Variants in EPB41L5 observed in about 807,000 individuals in gnomAD.
The protein encoded by EPB41L5 is band 4.1-like protein 5.
Under a neutral mutation model 106.6 loss-of-function variants are expected in EPB41L5, and 55 were observed. That is an observed-to-expected ratio of 0.52 (90% CI 0.42 to 0.65). The LOEUF is 0.65. Ranked by LOEUF, EPB41L5 falls within the 30% of genes least tolerant of loss-of-function variation. The pLI, the probability that EPB41L5 is intolerant of heterozygous loss-of-function variation, is 0.00. For synonymous variants in EPB41L5, 297 were observed against 306.7 expected, an observed-to-expected ratio of 0.97 and a Z score of 0.33; for missense variants, 871 against 882.1, an observed-to-expected ratio of 0.99 and a Z score of 0.16.
chr2:120,146,426 A>T (rs990272145), intron 20 of EPB41L5, 137 bp downstream of exon 20: 2 of 576,242 alleles, frequency 3.5e-6, no homozygotes, highest in African/African-American at 3.8e-5. Context: ...TATCCATTAC[A>T]GACCACTTAG....
chr2:120,018,018 G>A (rs563509009), intron 1 of EPB41L5, among the ~76,000 whole-genome samples: 30 of 143,440 alleles, frequency 2.1e-4, no homozygotes, highest in African/African-American at 6.7e-4. Flanking sequence ...CTGGAGTACC[G>A]TGGCGCCATC....
chr2:120,021,027 G>A (rs1057096650), intron 2 of EPB41L5, among the ~76,000 whole-genome samples: 3 of 152,154 alleles, frequency 2.0e-5, no homozygotes, highest in Admixed American at 1.3e-4. Flanking sequence ...TGGAGATATA[G>A]ATTGGACTTT....
intron 21 of EPB41L5, among the ~76,000 whole-genome samples, chr2:120,163,919 T>C (rs1020598517): frequency 6.6e-6 from 1 of 151,250 alleles, no homozygotes; most frequent in Non-Finnish European, 1.5e-5. Context: ...GCCAGTGCAC[T>C]TCAGCCTGGA....
chr2:120,131,658 G>A lies in EPB41L5; in HGVS notation c.1542G>A (p.Met514Ile). Residue 514 changes from methionine to isoleucine, a missense_variant, in exon 18 of 25, where the codon ATG (methionine) becomes ATA (isoleucine). Transcript: ENST00000263713. ...CAGAGAAGCTCAAACAGCTTGAGATGGAGAACAGTCCTTTGCTGTCCCCTC... is the reference window on the plus strand; with the variant it reads ...CAGAGAAGCTCAAACAGCTTGAGATAGAGAACAGTCCTTTGCTGTCCCCTC... The part of the protein sequence containing the change: ...DTSEKLKQLE[M>I]ENSPLLSPRS... The A allele has an allele frequency of 1.2e-6, 2 of 1,613,692 alleles. No individual in the cohort carries two copies. The highest frequency in any genetic ancestry group is 2.2e-5 in the East Asian group (1 of 44,854).
chr2:120,177,833 A>T lies in EPB41L5; in HGVS notation c.*2926A>T, dbSNP rs1350934895. 1 of 152,252 alleles carries T rather than the reference A, an allele frequency of 6.6e-6. No individual in the cohort carries two copies. The highest frequency in any genetic ancestry group is 1.9e-4 in the East Asian group (1 of 5,202). 9.4% of individuals were successfully genotyped at this position (152,252 alleles called of 1,614,324 possible). ...TATCCTATGGAGATTTAAGGATGAA[A>T]GCCCTGAGTTGTTCTTGGGTTCTTG... On this transcript the variant is annotated 3_prime_UTR_variant, in exon 25 of 25. Transcript: ENST00000263713.
chr2:120,043,276 C>T (rs1679535656), intron 3 of EPB41L5, among the ~76,000 whole-genome samples: 1 of 152,012 alleles, frequency 6.6e-6, no homozygotes, highest in Non-Finnish European at 1.5e-5. Flanking sequence ...CATGGTGGCT[C>T]ACACCTGTAA....
At position 120,167,652 on chromosome 2, in the gene EPB41L5, C is replaced by T. The variant is rs1170813197; in HGVS notation, c.2004+145C>T. ...CTGAACTTAACTTAATGGCTTCAAG[C>T]TAGTGGCTTACCCTTTCTGGTTGTA... On this transcript the variant is annotated intron_variant, in intron 23 of 24. Transcript: ENST00000263713. 8.8e-6 allele frequency: 9 copies of T among 1,020,014 alleles called. No individual in the cohort carries two copies. In the Admixed American group the frequency reaches 2.1e-4, roughly 24 times the overall value. The allele number at this position is 1,020,014 out of a possible 1,614,324, so 63.2% of individuals were successfully genotyped here.
intron 22 of EPB41L5, 144 bp from the exon 23 acceptor site, chr2:120,167,322 T>A: frequency 1.6e-6 from 1 of 631,754 alleles, no homozygotes; most frequent in Non-Finnish European, 2.8e-6. Flanking sequence ...GATTTAGAAG[T>A]CCATGTCAGC....
intron 10 of EPB41L5, among the ~76,000 whole-genome samples, chr2:120,086,034 A>G (rs992574713): frequency 6.6e-6 from 1 of 152,066 alleles, no homozygotes; most frequent in African/African-American, 2.4e-5. Flanking sequence ...TGTCTCTACT[A>G]AAAATACTAA....
intron 1 of EPB41L5, among the ~76,000 whole-genome samples, chr2:120,015,153 C>T (rs1322560971): frequency 2.0e-5 from 3 of 151,440 alleles, no homozygotes; most frequent in Admixed American, 6.6e-5. Context: ...GAAACCCCGC[C>T]TCTACTAAAA....
chr2:120,062,163 T>C (rs1681127879), intron 3 of EPB41L5, among the ~76,000 whole-genome samples: 1 of 152,226 alleles, frequency 6.6e-6, no homozygotes. Flanking sequence ...AATAAAATTA[T>C]CACTGGCAAA....
At chr2:120,128,660 G>A (rs1685561860) in intron 17 of EPB41L5, among the ~76,000 whole-genome samples, 1 of 150,728 alleles carries the variant, frequency 6.6e-6, no homozygotes, top group Admixed American at 6.6e-5. Context: ...CTAAAAATTT[G>A]TGTATTTCCT....
intron 24 of EPB41L5, among the ~76,000 whole-genome samples, chr2:120,170,154 TAGAAA>T (rs1687609041): frequency 6.6e-6 from 1 of 152,208 alleles, no homozygotes; most frequent in Non-Finnish European, 1.5e-5. Flanking sequence ...AGATAAATAT[TAGAAA>T]AGAGCAGTGA....
At chr2:120,138,494 ATACAGAT>A (rs1388412360) in intron 18 of EPB41L5, among the ~76,000 whole-genome samples, 1 of 152,066 alleles carries the variant, frequency 6.6e-6, no homozygotes, top group Non-Finnish European at 1.5e-5. Context: ...AAGTGGCAGG[ATACAGAT>A]CAACATACAA....
At chr2:120,116,717 T>TA (rs1404265602) in intron 16 of EPB41L5, among the ~76,000 whole-genome samples, 7 of 151,942 alleles carry the variant, frequency 4.6e-5, no homozygotes, top group Admixed American at 6.6e-5. Context: ...TTTGTAGAGA[T>TA]ACAGTCTCCT....
chr2:120,167,340 A>C, intron 22 of EPB41L5, 126 bp from the exon 23 acceptor site: 1 of 744,198 alleles, frequency 1.3e-6, no homozygotes, highest in Non-Finnish European at 2.3e-6. Flanking sequence ...AGCTCAAGGA[A>C]CACCATTAAG....
rs575176454 is a variant in EPB41L5 at position 120,048,012 on chromosome 2, C to A, written c.285+5902C>A. ...AGCCTTGCGATCCAGGGATGAAGCC[C>A]ACTTGATCATGGTGGATAAGCTTTT... On this transcript the variant is annotated intron_variant, in intron 3 of 24. Coordinates refer to ENST00000263713, the MANE Select transcript of EPB41L5 (RefSeq NM_020909.4). Among the ~76,000 whole-genome samples, 768 of 152,194 alleles carry A rather than the reference C, an allele frequency of 5.0e-3. 3 individuals are homozygous for A. Among genetic ancestry groups the A allele is most frequent in the African/African-American group, 0.018 (738 of 41,482 alleles).
chr2:120,038,733 G>A (rs1574502761), intron 2 of EPB41L5, among the ~76,000 whole-genome samples: 1 of 152,138 alleles, frequency 6.6e-6, no homozygotes, highest in Admixed American at 6.6e-5. Flanking sequence ...TTGCCTGGGC[G>A]ACAGAGTGAG....
chr2:120,163,373 G>C (rs1411090533), intron 21 of EPB41L5, among the ~76,000 whole-genome samples: 1 of 146,762 alleles, frequency 6.8e-6, no homozygotes, highest in Non-Finnish European at 1.5e-5. Flanking sequence ...ATCTTTTGTT[G>C]TTTTAAAATT....
Sources: gnomAD v4.1 joint callset for allele counts (sites outside exome capture counted in the v4.1 genomes callset) on GRCh38, gnomAD v4.1.1 for gene constraint, MANE v1.5 for transcripts, NCBI Gene and HGNC (gene_info 2026-07-23, HGNC 2026-07-21) for gene names.